MDGA2: variants seen among roughly 807,000 people sequenced by gnomAD.
MDGA2 encodes the protein MAM domain containing glycosylphosphatidylinositol anchor 2.
A neutral mutation model predicts 117.8 loss-of-function variants in MDGA2; 40 were observed. The observed-to-expected ratio is 0.34, with a 90% CI of 0.26 to 0.44. MDGA2 has a LOEUF of 0.44. Ranked by LOEUF, MDGA2 falls within the 20% of genes least tolerant of loss-of-function variation. MDGA2 has a pLI of 1.00. For missense variants in MDGA2, 1,123 were observed against 1,250.6 expected, an observed-to-expected ratio of 0.90 and a Z score of 1.54; for synonymous variants, 452 against 439.0, an observed-to-expected ratio of 1.03 and a Z score of -0.37.
intron 1 of MDGA2, among the ~76,000 whole-genome samples, chr14:47,393,653 GC>G (rs1891945050): frequency 6.6e-6 from 1 of 151,984 alleles, no homozygotes. Context: ...TCATTTAGAA[GC>G]CCTTCCTCCT....
At chr14:46,906,063 A>G (rs1007841407) in intron 10 of MDGA2, among the ~76,000 whole-genome samples, 1 of 152,018 alleles carries the variant, frequency 6.6e-6, no homozygotes, top group Admixed American at 6.6e-5. Context: ...CTAATAGCAT[A>G]TAATTAGTAT....
intron 7 of MDGA2, chr14:47,058,827 T>G: frequency 2.0e-6 from 2 of 985,576 alleles, no homozygotes; most frequent in Non-Finnish European, 2.4e-6. Context: ...CACAATAAAA[T>G]CTCCTAGGCC....
chr14:47,491,482 T>C (rs1446967933), intron 1 of MDGA2, among the ~76,000 whole-genome samples: 3 of 152,132 alleles, frequency 2.0e-5, no homozygotes, highest in Admixed American at 6.6e-5. Flanking sequence ...AGAATGCCTA[T>C]ACGAAGGAAA....
intron 8 of MDGA2, among the ~76,000 whole-genome samples, chr14:47,007,268 C>T (rs899174391): frequency 1.3e-5 from 2 of 151,708 alleles, no homozygotes; most frequent in Non-Finnish European, 2.9e-5. Context: ...ATATCAAATA[C>T]AAATGCTTAA....
At chr14:47,409,442 T>A (rs1478077905) in intron 1 of MDGA2, among the ~76,000 whole-genome samples, 1 of 152,216 alleles carries the variant, frequency 6.6e-6, no homozygotes, top group African/African-American at 2.4e-5. Flanking sequence ...TATCACACTA[T>A]TATCAAACAT....
chr14:47,546,616 A>G (rs150721584), intron 1 of MDGA2, among the ~76,000 whole-genome samples: 1 of 152,306 alleles, frequency 6.6e-6, no homozygotes, highest in African/African-American at 2.4e-5. Flanking sequence ...CTTTGCCACT[A>G]ACTCTATCCA....
chr14:47,647,431 C>CAA lies in MDGA2; in HGVS notation c.280+27084_280+27085dup, dbSNP rs144236928. 2.1e-3 allele frequency among the ~76,000 whole-genome samples: 308 copies of CAA among 145,900 alleles called. 2 individuals are homozygous for CAA. Among genetic ancestry groups the CAA allele is most frequent in the African/African-American group, 7.3e-3 (292 of 40,270 alleles). On this transcript the variant is annotated intron_variant, in intron 1 of 16. Coordinates refer to ENST00000399232, the MANE Select transcript of MDGA2 (RefSeq NM_001113498.3). ...ACATCAGACACAAGCTTTAAAAAGG[C>CAA]AAAAAAAAAATGATAATTTATGTGA... is the stretch of plus-strand genomic sequence containing the variant.
At position 46,938,540 on chromosome 14, in the gene MDGA2, C is replaced by CAAAAAAA. The variant is rs71112472; in HGVS notation, c.2090-18387_2090-18381dup. Among the ~76,000 whole-genome samples the CAAAAAAA allele has an allele frequency of 1.8e-3, 48 of 26,988 alleles. 2 individuals are homozygous for CAAAAAAA. The highest frequency in any genetic ancestry group is 2.9e-3 in the Non-Finnish European group (33 of 11,390). The allele number at this position is 26,988 out of a possible 152,430, so 17.7% of individuals were successfully genotyped here. On this transcript the variant is annotated intron_variant, in intron 9 of 16. Transcript: ENST00000399232. ...GGGCAACAAGAACGAAAATCCATCT[C>CAAAAAAA]AAAAAAAAAAAAAAAAAAAAGAGAC...
At chr14:47,344,501 A>T (rs1566747956) in intron 1 of MDGA2, among the ~76,000 whole-genome samples, 2 of 152,132 alleles carry the variant, frequency 1.3e-5, no homozygotes, top group African/African-American at 2.4e-5. Context: ...TATGATGGCT[A>T]ATAACAATAA....
At chr14:47,307,027 T>C (rs1889474771) in intron 1 of MDGA2, among the ~76,000 whole-genome samples, 1 of 152,194 alleles carries the variant, frequency 6.6e-6, no homozygotes, top group Non-Finnish European at 1.5e-5. Context: ...CAGCTTTCTA[T>C]TGATTTAAGT....
intron 1 of MDGA2, among the ~76,000 whole-genome samples, chr14:47,480,940 T>G (rs1893941534): frequency 6.6e-6 from 1 of 152,004 alleles, no homozygotes; most frequent in Non-Finnish European, 1.5e-5. Flanking sequence ...ATTACCTTGC[T>G]ATTATAATGG....
chr14:47,613,701 T>C (rs917289776), intron 1 of MDGA2, among the ~76,000 whole-genome samples: 2 of 152,194 alleles, frequency 1.3e-5, no homozygotes, highest in African/African-American at 4.8e-5. Flanking sequence ...GAATGATACA[T>C]ATCTGTCCTA....
chr14:46,914,733 G>A (rs1049213259), intron 10 of MDGA2, among the ~76,000 whole-genome samples: 3 of 151,904 alleles, frequency 2.0e-5, no homozygotes, highest in South Asian at 2.1e-4. Context: ...TTAAAGAATC[G>A]AATTTGTTTT....
At chr14:47,259,904 A>G (rs1594758213) in intron 2 of MDGA2, among the ~76,000 whole-genome samples, 1 of 152,104 alleles carries the variant, frequency 6.6e-6, no homozygotes, top group East Asian at 1.9e-4. Flanking sequence ...AAGCTATTAT[A>G]TAAGAGACTT....
intron 10 of MDGA2, among the ~76,000 whole-genome samples, chr14:46,897,776 TTTAA>T (rs1188309249): frequency 1.3e-5 from 2 of 152,008 alleles, no homozygotes; most frequent in South Asian, 4.1e-4. Context: ...GAGCAATTAA[TTTAA>T]TTATCACTCA....
intron 2 of MDGA2, among the ~76,000 whole-genome samples, chr14:47,295,552 C>T (rs1889035559): frequency 6.6e-6 from 1 of 151,962 alleles, no homozygotes; most frequent in African/African-American, 2.4e-5. Context: ...TGTTTGAGGT[C>T]AACTGAGGAA....
chr14:47,438,613 T>C (rs1476299112), intron 1 of MDGA2, among the ~76,000 whole-genome samples: 1 of 152,134 alleles, frequency 6.6e-6, no homozygotes, highest in Non-Finnish European at 1.5e-5. Context: ...GAGCCAGAAA[T>C]ATGCTGCAGC....
intron 9 of MDGA2, among the ~76,000 whole-genome samples, chr14:46,929,595 G>A (rs367674052): frequency 3.9e-4 from 7 of 17,824 alleles, no homozygotes; most frequent in Non-Finnish European, 5.6e-4. Flanking sequence ...GTGTGTGTGT[G>A]TGTGTGTATA....
intron 8 of MDGA2, among the ~76,000 whole-genome samples, chr14:47,028,553 T>C (rs1343093845): frequency 6.6e-6 from 1 of 152,302 alleles, no homozygotes; most frequent in East Asian, 1.9e-4. Flanking sequence ...AAGCTCTAAA[T>C]TGTCTTCTAC....
Sources: gnomAD v4.1 joint callset for allele counts (sites outside exome capture counted in the v4.1 genomes callset) on GRCh38, gnomAD v4.1.1 for gene constraint, MANE v1.5 for transcripts, NCBI Gene and HGNC (gene_info 2026-07-23, HGNC 2026-07-21) for gene names.